PTPRM: variants seen among roughly 807,000 people sequenced by gnomAD.
PTPRM encodes the protein receptor-type tyrosine-protein phosphatase mu.
Under a neutral mutation model 186.7 loss-of-function variants are expected in PTPRM, and 47 were observed. That is an observed-to-expected ratio of 0.25 (90% CI 0.20 to 0.32). The LOEUF (loss-of-function observed/expected upper bound fraction) is 0.32, where lower values mean the gene tolerates loss of function less well. PTPRM is among the 10% of genes least tolerant of loss of function. The pLI is 1.00. For missense variants in PTPRM, 1,494 were observed against 1,865.0 expected (o/e 0.80, Z 3.66); for synonymous variants, 668 against 674.9 (o/e 0.99, Z 0.16).
intron 1 of PTPRM, among the ~76,000 whole-genome samples, chr18:7,677,507 C>A (rs898210064): frequency 6.6e-6 from 1 of 152,258 alleles, no homozygotes; most frequent in South Asian, 2.1e-4. Flanking sequence ...GATGAGACCA[C>A]CTTCCTTAGA....
intron 19 of PTPRM, among the ~76,000 whole-genome samples, chr18:8,260,216 T>C (rs2094614844): frequency 6.6e-6 from 1 of 151,840 alleles, no homozygotes; most frequent in African/African-American, 2.4e-5. Flanking sequence ...CAGGCTGGAG[T>C]GTAGTGGTGT....
At chr18:8,249,398 A>G (rs1460437430) in intron 17 of PTPRM, among the ~76,000 whole-genome samples, 1 of 152,176 alleles carries the variant, frequency 6.6e-6, no homozygotes, top group Non-Finnish European at 1.5e-5. Context: ...AGCCCACTAA[A>G]CCCTCCCTGC....
At chr18:7,617,823 G>A (rs537611133) in intron 1 of PTPRM, among the ~76,000 whole-genome samples, 1 of 152,290 alleles carries the variant, frequency 6.6e-6, no homozygotes, top group African/African-American at 2.4e-5. Context: ...GAGGAATGCC[G>A]CATTGTTGAA....
chr18:8,064,137 T>C (rs2088859521), intron 7 of PTPRM, among the ~76,000 whole-genome samples: 1 of 152,186 alleles, frequency 6.6e-6, no homozygotes, highest in Non-Finnish European at 1.5e-5. Context: ...GATTAGTTTT[T>C]TAAATTTTAA....
chr18:7,771,850 G>T (rs1291552099), intron 1 of PTPRM, among the ~76,000 whole-genome samples: 2 of 152,236 alleles, frequency 1.3e-5, no homozygotes, highest in Non-Finnish European at 2.9e-5. Flanking sequence ...CAATGTCAGA[G>T]TTGTAGAATG....
At chr18:7,711,112 G>C (rs550515578) in intron 1 of PTPRM, among the ~76,000 whole-genome samples, 1 of 152,216 alleles carries the variant, frequency 6.6e-6, no homozygotes, top group South Asian at 2.1e-4. Context: ...GGTGATTTCT[G>C]CATTTCCAAC....
intron 14 of PTPRM, among the ~76,000 whole-genome samples, chr18:8,192,448 G>A (rs1302111427): frequency 6.6e-6 from 1 of 152,114 alleles, no homozygotes; most frequent in Non-Finnish European, 1.5e-5. Context: ...TGTACTCAAA[G>A]ACTAATGAGA....
In PTPRM at chr18:7,668,267, G is replaced by A. The variant is rs2039142467; in HGVS notation, c.73+100376G>A. Reference sequence around the variant, plus strand: ...GACAGCTCTGGTGTGAATAGTCACAGTGCCACCATTTTGGGTCCTGGTAAT... The same window carrying A: ...GACAGCTCTGGTGTGAATAGTCACAATGCCACCATTTTGGGTCCTGGTAAT... On this transcript the variant is annotated intron_variant, in intron 1 of 32. Transcript: ENST00000580170. This position sits in a 1 kb window ranked among gnomAD's most constrained non-coding sequence, Gnocchi z 4.7. 6.6e-6 allele frequency among the ~76,000 whole-genome samples: 1 copy of A among 152,170 alleles called. No homozygotes were observed. The highest frequency in any genetic ancestry group is 6.5e-5 in the Admixed American group (1 of 15,276).
At chr18:8,108,384 T>G (rs924356460) in intron 11 of PTPRM, among the ~76,000 whole-genome samples, 1 of 152,140 alleles carries the variant, frequency 6.6e-6, no homozygotes, top group African/African-American at 2.4e-5. Context: ...TTCTCTTCCT[T>G]ACCTCCCTAC....
At chr18:7,622,314 T>G (rs1247272279) in intron 1 of PTPRM, among the ~76,000 whole-genome samples, 3 of 152,086 alleles carry the variant, frequency 2.0e-5, no homozygotes, top group Non-Finnish European at 2.9e-5. Context: ...TCGATCAAGC[T>G]TCTAGCTACT....
At chr18:8,275,422 C>T (rs2094822258) in intron 19 of PTPRM, among the ~76,000 whole-genome samples, 1 of 152,014 alleles carries the variant, frequency 6.6e-6, no homozygotes, top group Admixed American at 6.6e-5. Flanking sequence ...CCAGCCTGGG[C>T]AATAGAGTAA....
chr18:7,894,706 G>A (rs1333656210), intron 3 of PTPRM, among the ~76,000 whole-genome samples: 1 of 151,848 alleles, frequency 6.6e-6, no homozygotes, highest in Non-Finnish European at 1.5e-5. Flanking sequence ...ATATCCAAGT[G>A]ATGCATTCTC....
intron 1 of PTPRM, among the ~76,000 whole-genome samples, chr18:7,673,415 A>G (rs1299766895): frequency 6.6e-6 from 1 of 152,244 alleles, no homozygotes; most frequent in Non-Finnish European, 1.5e-5. Context: ...TAAAGAAAAT[A>G]AGAAATATAG....
In PTPRM at chr18:8,254,043, A is replaced by G. The variant is rs143761684; in HGVS notation, c.2754+629A>G. Among the ~76,000 whole-genome samples the G allele has an allele frequency of 2.6e-3, 394 of 152,076 alleles. 2 individuals are homozygous for G. Among genetic ancestry groups the G allele is most frequent in the African/African-American group, 9.0e-3 (372 of 41,474 alleles). On this transcript the variant is annotated intron_variant, in intron 19 of 32. Coordinates refer to ENST00000580170, the MANE Select transcript of PTPRM (RefSeq NM_001105244.2). Reference sequence around the variant, plus strand: ...ATGAAATCCTAATGATTTTGTAGTCATTATCTCAGGAAGAAACTGTCCACT... The same window carrying G: ...ATGAAATCCTAATGATTTTGTAGTCGTTATCTCAGGAAGAAACTGTCCACT...
chr18:8,203,886 G>A (rs1844740445), intron 14 of PTPRM, among the ~76,000 whole-genome samples: 2 of 151,908 alleles, frequency 1.3e-5, no homozygotes, highest in Admixed American at 6.6e-5. Flanking sequence ...CTTATGCTCG[G>A]TCAGGAAAGC....
At chr18:8,029,743 G>T (rs2085832163) in intron 7 of PTPRM, among the ~76,000 whole-genome samples, 1 of 152,144 alleles carries the variant, frequency 6.6e-6, no homozygotes, top group Non-Finnish European at 1.5e-5. Flanking sequence ...ATTCAGTTTA[G>T]TATCTCCTGC....
intron 19 of PTPRM, among the ~76,000 whole-genome samples, chr18:8,280,496 C>T (rs2094891101): frequency 1.3e-5 from 2 of 152,092 alleles, no homozygotes; most frequent in East Asian, 3.9e-4. Context: ...ATTTGAGACC[C>T]GACCAAGGTT....
intron 14 of PTPRM, among the ~76,000 whole-genome samples, chr18:8,222,757 G>A (rs895372189): frequency 6.6e-6 from 1 of 152,178 alleles, no homozygotes; most frequent in African/African-American, 2.4e-5. Flanking sequence ...ATGACACCAG[G>A]GTTTCACTAT....
chr18:7,997,894 G>A (rs778436741), intron 7 of PTPRM, among the ~76,000 whole-genome samples: 85 of 152,190 alleles, frequency 5.6e-4, no homozygotes, highest in Non-Finnish European at 8.8e-5. Flanking sequence ...TGGCAAGGAT[G>A]CAGAGAAAGG....
Sources: allele counts gnomAD v4.1 joint callset (sites outside exome capture counted in the v4.1 genomes callset), GRCh38; gene constraint gnomAD v4.1.1; non-coding constraint Gnocchi (gnomAD v3.1); transcripts MANE v1.5; gene names NCBI Gene and HGNC (gene_info 2026-07-23, HGNC 2026-07-21).